The following SPATA1 variants were observed in gnomAD, a reference collection of about 807,000 sequenced individuals.
The protein encoded by SPATA1 is spermatogenesis associated 1, also known as spermatogenesis-associated protein 1.
In SPATA1, 57 loss-of-function variants were observed where a neutral mutation model predicts 59.6. The ratio of observed to expected loss-of-function variants is 0.96; its 90% confidence interval spans 0.77 to 1.19. The LOEUF is 1.19. Ranked by LOEUF, SPATA1 falls within the 50% of genes most tolerant of loss-of-function variation. The probability of loss-of-function intolerance (pLI) is 0.00; values close to 1 mark genes in which losing one functional copy is unlikely to be tolerated. For synonymous variants in SPATA1, 147 were observed against 163.9 expected (o/e 0.90, Z 0.79); for missense variants, 448 against 480.7 (o/e 0.93, Z 0.64).
At chr1:84,544,235 C>A in exon 9 of SPATA1, 1 of 1,601,342 alleles carries the variant, frequency 6.2e-7, no homozygotes, top group Admixed American at 1.7e-5. Flanking sequence ...CCTACCAGAT[C>A]ACCCTTCACT....
intron 1 of SPATA1, among the ~76,000 whole-genome samples, chr1:84,509,222 A>C (rs1244512150): frequency 2.0e-5 from 3 of 151,922 alleles, no homozygotes; most frequent in Admixed American, 2.0e-4. Flanking sequence ...AAAAAAAAAA[A>C]CATAGACCAG....
intron 8 of SPATA1, among the ~76,000 whole-genome samples, chr1:84,541,153 TG>T (rs1161384390): frequency 2.0e-5 from 3 of 152,244 alleles, no homozygotes; most frequent in African/African-American, 7.2e-5. Flanking sequence ...ATTCCTTTAA[TG>T]TGTAATAGTT....
chr1:84,520,551 ATATTT>A, intron 2 of SPATA1, 29 bp from the exon 3 acceptor site: 1 of 1,290,146 alleles, frequency 7.8e-7, no homozygotes, highest in Non-Finnish European at 1.1e-6. Flanking sequence ...CACTTTAAAA[ATATTT>A]TAACCGATGT....
At chr1:84,564,718 G>A (rs759870386) in intron 4 of SPATA1, among the ~76,000 whole-genome samples, 4 of 152,076 alleles carry the variant, frequency 2.6e-5, no homozygotes, top group South Asian at 2.1e-4. Context: ...TAATTACTTC[G>A]TAATTTTAAC....
At chr1:84,520,712 T>A in intron 3 of SPATA1, 21 bp downstream of exon 3, 1 of 1,403,338 alleles carries the variant, frequency 7.1e-7, no homozygotes, top group Non-Finnish European at 9.7e-7. Context: ...TGTAGTCATG[T>A]AACAATATGC....
In SPATA1 at chr1:84,520,641, T is replaced by TC; in HGVS notation, c.93_94insC (p.Thr32HisfsTer8). Reference sequence around the variant, plus strand: ...AAGGATCATGGAACTATAAGCTAAATACCATTTCAACAGAAGTTGTTAACA... The same window carrying TC: ...AAGGATCATGGAACTATAAGCTAAATCACCATTTCAACAGAAGTTGTTAACA... On this transcript the variant is annotated frameshift_variant, in exon 3 of 13. Coordinates refer to ENST00000490879, the Ensembl canonical transcript of SPATA1. LOFTEE classifies it high-confidence loss of function. 2.5e-6 allele frequency: 4 copies of TC among 1,582,558 alleles called. No homozygotes were observed. Among genetic ancestry groups the TC allele is most frequent in the Non-Finnish European group, 3.4e-6 (4 of 1,165,942 alleles).
intron 6 of SPATA1, among the ~76,000 whole-genome samples, chr1:84,530,428 T>A (rs1683423611): frequency 6.6e-6 from 1 of 152,168 alleles, no homozygotes; most frequent in Non-Finnish European, 1.5e-5. Context: ...TATGAACTGG[T>A]ACTTCTGGAG....
intron 8 of SPATA1, among the ~76,000 whole-genome samples, chr1:84,538,447 A>C (rs1683788143): frequency 6.6e-6 from 1 of 152,192 alleles, no homozygotes; most frequent in South Asian, 2.1e-4. Context: ...AGGAAATACC[A>C]AATAATCTAG....
intron 8 of SPATA1, among the ~76,000 whole-genome samples, chr1:84,542,545 C>T (rs1313419982): frequency 6.6e-6 from 1 of 152,128 alleles, no homozygotes; most frequent in East Asian, 1.9e-4. Flanking sequence ...AGAGCCCTCT[C>T]TTTCCAGGCT....
intron 10 of SPATA1, among the ~76,000 whole-genome samples, chr1:84,546,918 G>T (rs190468284): frequency 7.9e-5 from 12 of 152,310 alleles, no homozygotes; most frequent in Admixed American, 7.8e-4. Context: ...GCAGGATGAA[G>T]ACAGTACATG....
intron 8 of SPATA1, among the ~76,000 whole-genome samples, chr1:84,540,380 C>T (rs1515142): frequency 0.99 from 150,304 of 152,180 alleles, 74,253 homozygotes; most frequent in East Asian, 1. Context: ...CTAGTATTTT[C>T]GGCCCCTCTT....
intron 10 of SPATA1, among the ~76,000 whole-genome samples, chr1:84,546,679 G>T (rs1684096645): frequency 6.6e-6 from 1 of 151,980 alleles, no homozygotes; most frequent in African/African-American, 2.4e-5. Flanking sequence ...TTACCTTGAG[G>T]TACCCTCTTC....
chr1:84,518,696 C>T (rs535478815), intron 2 of SPATA1, among the ~76,000 whole-genome samples: 3 of 151,994 alleles, frequency 2.0e-5, no homozygotes, highest in African/African-American at 4.8e-5. Context: ...CATGCTCTCA[C>T]CTTAATACCT....
chr1:84,563,325 G>C, intron 4 of SPATA1: 1 of 1,598,692 alleles, frequency 6.3e-7, no homozygotes. Flanking sequence ...CTATTTATTT[G>C]CTTCATGATC....
At chr1:84,559,892 C>G (rs940828744) in intron 4 of SPATA1, among the ~76,000 whole-genome samples, 5 of 151,940 alleles carry the variant, frequency 3.3e-5, no homozygotes, top group African/African-American at 1.2e-4. Context: ...TGAGACCAGA[C>G]TGGCCTACAT....
At chr1:84,508,280 C>T (rs1254719275) in intron 1 of SPATA1, among the ~76,000 whole-genome samples, 1 of 145,554 alleles carries the variant, frequency 6.9e-6, no homozygotes, top group East Asian at 2.0e-4. Flanking sequence ...GAGACTCCGT[C>T]TCAAAAAAAA....
chr1:84,560,810 T>A (rs1318806801), intron 4 of SPATA1, among the ~76,000 whole-genome samples: 1 of 152,196 alleles, frequency 6.6e-6, no homozygotes, highest in African/African-American at 2.4e-5. Context: ...ATAAATGGAA[T>A]AACAAAGCCT....
At chr1:84,544,206 C>T in exon 9 of SPATA1, 1 of 1,590,432 alleles carries the variant, frequency 6.3e-7, no homozygotes, top group South Asian at 1.1e-5. Context: ...TTACAGACAG[C>T]TGAAAAAGAG....
intron 1 of SPATA1, among the ~76,000 whole-genome samples, chr1:84,511,011 G>A (rs1682515254): frequency 6.6e-6 from 1 of 152,198 alleles, no homozygotes; most frequent in African/African-American, 2.4e-5. Context: ...AGGCTGGGAA[G>A]GGTAGTGGGG....
Sources: gnomAD v4.1 joint callset for allele counts (sites outside exome capture counted in the v4.1 genomes callset) on GRCh38, gnomAD v4.1.1 for gene constraint, MANE v1.5 for transcripts, NCBI Gene and HGNC (gene_info 2026-07-23, HGNC 2026-07-21) for gene names.